Variants in XKR9 observed in about 807,000 individuals in gnomAD.
XKR9 encodes XK-related protein 9.
A neutral mutation model predicts 32.0 loss-of-function variants in XKR9; 32 were observed. The observed-to-expected ratio is 1.00, with a 90% CI of 0.76 to 1.34. The LOEUF (loss-of-function observed/expected upper bound fraction) is 1.34. Among genes scored for constraint, XKR9 ranks in the 40% most tolerant of loss-of-function variants. The pLI is 0.00. For synonymous variants in XKR9, 168 were observed against 143.4 expected, an observed-to-expected ratio of 1.17 and a Z score of -1.22; for missense variants, 546 against 429.7, an observed-to-expected ratio of 1.27 and a Z score of -2.39.
the XKR9 span, among the ~76,000 whole-genome samples, chr8:70,855,026 A>T: frequency 6.6e-6 from 1 of 152,092 alleles, no homozygotes; most frequent in Non-Finnish European, 1.5e-5. Context: ...GTTCCATATG[A>T]ACTTTAAAGT....
At chr8:70,701,795 G>A (rs75652578) in intron 3 of XKR9, among the ~76,000 whole-genome samples, 1,760 of 152,214 alleles carry the variant, frequency 0.012, 33 homozygotes, top group African/African-American at 0.038. Context: ...TACTATGTAT[G>A]CCATTACTGT....
the XKR9 span, among the ~76,000 whole-genome samples, chr8:70,925,251 A>G: frequency 6.6e-6 from 1 of 152,308 alleles, no homozygotes; most frequent in South Asian, 2.1e-4. Flanking sequence ...ACACACTATG[A>G]CATGTTAATC....
At position 70,734,072 on chromosome 8, in the gene XKR9, T is replaced by A. The variant is rs142595739; in HGVS notation, c.770T>A (p.Ile257Lys). The A allele has an allele frequency of 5.6e-5, 91 of 1,613,010 alleles. No individual in the cohort carries two copies. The highest frequency in any genetic ancestry group is 7.4e-5 in the Non-Finnish European group (87 of 1,179,334). The change falls in exon 5 of 5, where the codon ATA becomes AAA. Residue 257 changes from isoleucine to lysine, a missense_variant. Transcript: ENST00000408926. The part of the protein sequence containing the change: ...FKNNTQFCTC[I>K]SMEFLYRIVV... ...AACAACACCCAGTTTTGTACTTGTATAAGTATGGAATTCTTATATAGGATT... is the reference window on the plus strand; with the variant it reads ...AACAACACCCAGTTTTGTACTTGTAAAAGTATGGAATTCTTATATAGGATT...
chr8:71,047,135 G>A, the XKR9 span, among the ~76,000 whole-genome samples: 1 of 152,204 alleles, frequency 6.6e-6, no homozygotes, highest in African/African-American at 2.4e-5. Context: ...AGAATTATGC[G>A]TGGTTTGTCT....
the XKR9 span, among the ~76,000 whole-genome samples, chr8:71,019,857 G>A: frequency 6.6e-6 from 1 of 152,144 alleles, no homozygotes; most frequent in South Asian, 2.1e-4. Flanking sequence ...GTTCTGAGCC[G>A]TATATATAGT....
At chr8:70,940,476 A>G in the XKR9 span, among the ~76,000 whole-genome samples, 2 of 152,128 alleles carry the variant, frequency 1.3e-5, no homozygotes, top group African/African-American at 2.4e-5. Context: ...CTGAGCTTAT[A>G]TAATCTCATA....
chr8:70,780,366 A>G (rs1488316467), intron 2 of XKR9, among the ~76,000 whole-genome samples: 2 of 152,072 alleles, frequency 1.3e-5, no homozygotes, highest in African/African-American at 4.8e-5. Flanking sequence ...TAACCATTTA[A>G]AGCTATAAAT....
chr8:70,743,144 G>C (rs1020850688), intron 2 of XKR9, among the ~76,000 whole-genome samples: 6 of 151,936 alleles, frequency 3.9e-5, no homozygotes, highest in Admixed American at 3.9e-4. Context: ...TCTTCAGGTT[G>C]ACATTTCCCG....
downstream of XKR9, among the ~76,000 whole-genome samples, chr8:70,793,260 T>C (rs1807786799): frequency 1.3e-5 from 2 of 152,062 alleles, no homozygotes; most frequent in Non-Finnish European, 2.9e-5. Context: ...TGTTGAAACT[T>C]AATCCTCAAT....
At chr8:70,709,213 A>G (rs1805824059) in intron 4 of XKR9, among the ~76,000 whole-genome samples, 1 of 152,152 alleles carries the variant, frequency 6.6e-6, no homozygotes, top group Non-Finnish European at 1.5e-5. Flanking sequence ...CTCAATAGAC[A>G]CAGAAAAGGC....
chr8:70,834,733 A>G, the XKR9 span, among the ~76,000 whole-genome samples: 2 of 152,168 alleles, frequency 1.3e-5, no homozygotes, highest in Non-Finnish European at 2.9e-5. Context: ...TGAGCAGGAC[A>G]AGACTGGTTA....
At chr8:70,685,520 G>A (rs1401493655) in intron 3 of XKR9, among the ~76,000 whole-genome samples, 2 of 138,062 alleles carry the variant, frequency 1.4e-5, no homozygotes, top group African/African-American at 5.5e-5. Context: ...TAAAGAAAAT[G>A]TGGCACACAT....
chr8:71,058,958 A>G, the XKR9 span, among the ~76,000 whole-genome samples: 9,544 of 152,298 alleles, frequency 0.063, 448 homozygotes, highest in Non-Finnish European at 0.092. Context: ...CTCTTATCCT[A>G]GAAGAAATAA....
At chr8:70,725,009 A>G (rs1158192824) in intron 4 of XKR9, among the ~76,000 whole-genome samples, 1 of 152,160 alleles carries the variant, frequency 6.6e-6, no homozygotes, top group Non-Finnish European at 1.5e-5. Context: ...ACTTACAATC[A>G]TGGCAGACGG....
the XKR9 span, among the ~76,000 whole-genome samples, chr8:70,918,635 C>A: frequency 6.6e-6 from 1 of 151,788 alleles, no homozygotes; most frequent in Non-Finnish European, 1.5e-5. Context: ...AGAGATTGCA[C>A]TGAGCTGAGA....
At chr8:70,777,621 A>G (rs534868836) in intron 2 of XKR9, among the ~76,000 whole-genome samples, 78 of 151,962 alleles carry the variant, frequency 5.1e-4, no homozygotes, top group Non-Finnish European at 9.9e-4. Context: ...AGCATCTGTC[A>G]TTTCCTGATT....
At chr8:70,850,026 A>C in the XKR9 span, among the ~76,000 whole-genome samples, 2 of 152,114 alleles carry the variant, frequency 1.3e-5, no homozygotes, top group Non-Finnish European at 2.9e-5. Flanking sequence ...TCACAACCGA[A>C]TTCTACCAGA....
intron 2 of XKR9, among the ~76,000 whole-genome samples, chr8:70,786,373 T>A (rs879925008): frequency 3.3e-5 from 5 of 152,132 alleles, no homozygotes; most frequent in Non-Finnish European, 7.4e-5. Context: ...TAAGTGGGGG[T>A]ACTGAAATCT....
At chr8:70,825,360 T>C in the XKR9 span, among the ~76,000 whole-genome samples, 1 of 152,096 alleles carries the variant, frequency 6.6e-6, no homozygotes, top group Non-Finnish European at 1.5e-5. Context: ...CTGAGTCCCA[T>C]TGCTTATTTC....
Sources: gnomAD v4.1 joint callset for allele counts (sites outside exome capture counted in the v4.1 genomes callset) on GRCh38, gnomAD v4.1.1 for gene constraint, MANE v1.5 for transcripts, NCBI Gene and HGNC (gene_info 2026-07-23, HGNC 2026-07-21) for gene names.